The following GAN variants were observed in gnomAD, a reference collection of about 807,000 sequenced individuals.
The protein encoded by GAN is gigaxonin.
Under a neutral mutation model 71.3 loss-of-function variants are expected in GAN, and 48 were observed. That is an observed-to-expected ratio of 0.67 (90% CI 0.53 to 0.86). The LOEUF is 0.86. Among genes scored for constraint, GAN ranks in the 40% least tolerant of loss-of-function variants. GAN has a pLI of 0.00. For missense variants in GAN, 928 were observed against 770.1 expected (o/e 1.21, Z -2.43); for synonymous variants, 386 against 276.8 (o/e 1.39, Z -3.92).
chr16:81,319,216 A>ATATG (rs916056849), intron 1 of GAN, among the ~76,000 whole-genome samples: 12 of 147,900 alleles, frequency 8.1e-5, no homozygotes, highest in African/African-American at 3.0e-4. Flanking sequence ...TTATATATAT[A>ATATG]TATATATATC....
intron 1 of GAN, among the ~76,000 whole-genome samples, 160 bp downstream of exon 1, chr16:81,315,440 C>G (rs1195990856): frequency 1.3e-5 from 2 of 151,842 alleles, no homozygotes; most frequent in African/African-American, 2.4e-5. Context: ...GCGCCGGAAC[C>G]CGGCCCCGCT....
chr16:81,385,378 G>A lies in GAN; in HGVS notation c.*7782G>A, dbSNP rs1040226375. The A allele has an allele frequency of 6.6e-6, 1 of 152,182 alleles. No individual in the cohort carries two copies. The highest frequency in any genetic ancestry group is 1.5e-5 in the Non-Finnish European group (1 of 68,040). 9.4% of individuals were successfully genotyped at this position (152,182 alleles called of 1,614,324 possible). On this transcript the variant is annotated 3_prime_UTR_variant, in exon 11 of 11. Transcript: ENST00000648994. ...TTTATATACTTTCCTTACAAACCCA[G>A]TGGTTGAGAGCATAGGCCTTGGTGG...
At chr16:81,316,262 G>T (rs1909035803) in intron 1 of GAN, among the ~76,000 whole-genome samples, 1 of 152,064 alleles carries the variant, frequency 6.6e-6, no homozygotes, top group South Asian at 2.1e-4. Context: ...ATAAGCTAGT[G>T]GTAGAGAATA....
At position 81,377,472 on chromosome 16, in the gene GAN, C is replaced by A; in HGVS notation, c.1670C>A (p.Thr557Asn). The change falls in exon 11 of 11, where the codon ACT becomes AAT. Residue 557 changes from threonine (T) to asparagine (N), a missense_variant. Transcript: ENST00000648994. ...FKRSTGTWHH[T>N]KPLLPSDLRR... is the part of the protein sequence containing the mutation. ...AGAAGCACAGGAACCTGGCACCACA[C>A]TAAACCACTCCTTCCATCCGACCTT... 2 of 1,614,084 alleles carry A rather than the reference C, an allele frequency of 1.2e-6. No homozygotes were observed. Among genetic ancestry groups the A allele is most frequent in the Non-Finnish European group, 1.7e-6 (2 of 1,179,930 alleles).
At position 81,382,613 on chromosome 16, in the gene GAN, TTACTC is replaced by T. The variant is rs1236910977; in HGVS notation, c.*5019_*5023del. On this transcript the variant is annotated 3_prime_UTR_variant, in exon 11 of 11. Transcript: ENST00000648994. ...CTTTTAATAATTCTTGAAATACTCT[TTACTC>T]TGTCTGTAGTTTTGAGAAATTACAG... The T allele has an allele frequency of 1.1e-4, 17 of 152,326 alleles. No individual in the cohort carries two copies. The highest frequency in any genetic ancestry group is 3.4e-3 in the Middle Eastern group (1 of 292). 9.4% of individuals were successfully genotyped at this position (152,326 alleles called of 1,614,324 possible).
At chr16:81,324,859 C>G (rs1909331176) in intron 1 of GAN, among the ~76,000 whole-genome samples, 1 of 152,142 alleles carries the variant, frequency 6.6e-6, no homozygotes, top group Non-Finnish European at 1.5e-5. Context: ...TCTATAAAAG[C>G]CAAGAGTGGA....
In GAN at chr16:81,353,498, A is replaced by G. The variant is rs187181683; in HGVS notation, c.283-907A>G. On this transcript the variant is annotated intron_variant, in intron 2 of 10. Coordinates refer to ENST00000648994, the MANE Select transcript of GAN (RefSeq NM_022041.4). ...TGGCTTACTCACCATACTACTTTCC[A>G]CATTTTTGTTGCTCAGTTTCTAAGA... is the stretch of plus-strand genomic sequence containing the variant. 4.6e-5 allele frequency among the ~76,000 whole-genome samples: 7 copies of G among 152,266 alleles called. No individual in the cohort carries two copies. The East Asian group carries it at 1.2e-3, about 25-fold the overall frequency.
chr16:81,347,818 C>T (rs900313019), intron 1 of GAN, among the ~76,000 whole-genome samples: 6 of 151,902 alleles, frequency 3.9e-5, no homozygotes, highest in Non-Finnish European at 1.5e-5. Flanking sequence ...AGACTTTTTT[C>T]TTTATTTCTC....
Position 81,389,246 on chromosome 16 carries a change from G to T in GAN, c.*11650G>T, listed in dbSNP as rs186195123. 30 of 152,188 alleles carry T rather than the reference G, an allele frequency of 2.0e-4. 1 individual carries two copies. The highest frequency in any genetic ancestry group is 1.1e-3 in the Admixed American group (17 of 15,286). 9.4% of individuals were successfully genotyped at this position (152,188 alleles called of 1,614,324 possible). A position where few individuals can be genotyped will look rare whatever the true frequency, so the allele number is the denominator to read the frequency against. ...ATTCGTGGCTTTTTCTGCCACTGGG[G>T]TTCTTTTCGTTTTGAATTCAGCTTG... On this transcript the variant is annotated 3_prime_UTR_variant, in exon 11 of 11. Coordinates refer to ENST00000648994, the MANE Select transcript of GAN (RefSeq NM_022041.4).
intron 1 of GAN, among the ~76,000 whole-genome samples, chr16:81,343,664 C>G (rs572404035): frequency 1.3e-5 from 2 of 152,266 alleles, no homozygotes; most frequent in African/African-American, 4.8e-5. Flanking sequence ...CAATATCATC[C>G]TGAATGGGCA....
At chr16:81,376,501 G>GTGTGTGTGTA (rs1404207849) in intron 9 of GAN, among the ~76,000 whole-genome samples, 3 of 139,964 alleles carry the variant, frequency 2.1e-5, no homozygotes, top group African/African-American at 5.9e-5. Flanking sequence ...GTGTGTGTGT[G>GTGTGTGTGTA]TGTGTGTGTA....
intron 1 of GAN, among the ~76,000 whole-genome samples, chr16:81,319,629 G>C (rs1909160984): frequency 6.6e-6 from 1 of 152,108 alleles, no homozygotes; most frequent in Non-Finnish European, 1.5e-5. Context: ...CTCAGTCCTG[G>C]AGAGAAAATG....
At chr16:81,364,586 G>T (rs889896354) in intron 7 of GAN, among the ~76,000 whole-genome samples, 1 of 152,188 alleles carries the variant, frequency 6.6e-6, no homozygotes, top group African/African-American at 2.4e-5. Flanking sequence ...CTACCCAGGA[G>T]GCTGAGGCGG....
chr16:81,338,364 G>A (rs550984435), intron 1 of GAN, among the ~76,000 whole-genome samples: 17 of 152,176 alleles, frequency 1.1e-4, no homozygotes, highest in African/African-American at 4.1e-4. Context: ...ACATAGAAAA[G>A]GCCTATTGAT....
At chr16:81,321,564 C>G (rs1454684287) in intron 1 of GAN, among the ~76,000 whole-genome samples, 1 of 152,118 alleles carries the variant, frequency 6.6e-6, no homozygotes, top group Non-Finnish European at 1.5e-5. Context: ...TCAAAACCGC[C>G]TTATCCATTG....
In GAN at chr16:81,365,366, T is replaced by G; in HGVS notation, c.1390T>G (p.Cys464Gly). The G allele has an allele frequency of 6.2e-7, 1 of 1,613,758 alleles. No individual in the cohort carries two copies. The highest frequency in any genetic ancestry group is 8.5e-7 in the Non-Finnish European group (1 of 1,179,938). The change falls in exon 9 of 11, where the codon TGT becomes GGT. Residue 464 changes from cysteine to glycine, a missense_variant. Coordinates refer to ENST00000648994, the MANE Select transcript of GAN (RefSeq NM_022041.4). ...LKERRFGAVA[C>G]GVAMELYVFG... ...GCCTTTCAGGTTTGGAGCGGTGGCC[T>G]GTGGAGTTGCTATGGAGCTGTATGT... is the stretch of plus-strand genomic sequence containing the variant.
chr16:81,315,200 C>T lies in GAN; in HGVS notation c.87C>T (p.Phe29=). ...GCTCTTTCCGCGAGGAGTCTCGCTT[C>T]TGCGACGCGCACCTGGTCCTCGACG... is the stretch of plus-strand genomic sequence containing the variant. ...ALSSFREESR[F]CDAHLVLDGE... is the part of the protein sequence containing the mutation. Residue 29 remains phenylalanine, a synonymous_variant, in exon 1 of 11, where the codon TTC becomes TTT. Coordinates refer to ENST00000648994, the MANE Select transcript of GAN (RefSeq NM_022041.4). The T allele has an allele frequency of 6.3e-7, 1 of 1,578,796 alleles. No homozygotes were observed. The highest frequency in any genetic ancestry group is 1.2e-5 in the South Asian group (1 of 86,024).
Position 81,354,492 on chromosome 16 carries a change from T to A in GAN, c.370T>A (p.Phe124Ile). 6.2e-7 allele frequency: 1 copy of A among 1,613,730 alleles called. No individual in the cohort carries two copies. The highest frequency in any genetic ancestry group is 8.5e-7 in the Non-Finnish European group (1 of 1,179,698). The part of the protein sequence containing the change: ...LTDLKTLCCE[F>I]LEGCIAAENC... ...GGACCTTAAAACCCTGTGCTGTGAG[T>A]TTTTGGAAGGCTGCATTGCTGCTGA... The change falls in exon 3 of 11, where the codon TTT (phenylalanine) becomes ATT (isoleucine). Residue 124 changes from phenylalanine to isoleucine, a missense_variant. By Grantham distance (21) the Phe-to-Ile change is conservative. Transcript: ENST00000648994.
rs1446906932 is a variant in GAN at position 81,357,912 on chromosome 16, C to T, written c.954C>T (p.Asn318=). Reference sequence around the variant, plus strand: ...CCCCTTTAAGCATGCCGAGAATTAACCATGGAGTTCTCTCAGCAGGTACCG... The same window carrying T: ...CCCCTTTAAGCATGCCGAGAATTAATCATGGAGTTCTCTCAGCAGGTACCG... ...ELAPLSMPRI[N]HGVLSAEGFL... Residue 318 remains asparagine, a synonymous_variant, in exon 5 of 11, where the codon AAC becomes AAT. Transcript: ENST00000648994. 2 of 1,613,778 alleles carry T rather than the reference C, an allele frequency of 1.2e-6. No homozygotes were observed. The highest frequency in any genetic ancestry group is 1.7e-5 in the Admixed American group (1 of 60,022).
Sources: gnomAD v4.1 joint callset for allele counts (sites outside exome capture counted in the v4.1 genomes callset) on GRCh38, gnomAD v4.1.1 for gene constraint, MANE v1.5 for transcripts, NCBI Gene and HGNC (gene_info 2026-07-23, HGNC 2026-07-21) for gene names.